NRIP1: variants seen among roughly 807,000 people sequenced by gnomAD.
NRIP1 encodes the protein nuclear receptor-interacting protein 1.
A neutral mutation model predicts 75.0 loss-of-function variants in NRIP1; 28 were observed. The observed-to-expected ratio is 0.37, with a 90% CI of 0.28 to 0.51. The LOEUF is 0.51. Ranked by LOEUF, NRIP1 falls within the 20% of genes least tolerant of loss-of-function variation. The pLI is 0.92. For missense variants in NRIP1, 1,435 were observed against 1,343.7 expected, an observed-to-expected ratio of 1.07 and a Z score of -1.06; for synonymous variants, 526 against 487.6, an observed-to-expected ratio of 1.08 and a Z score of -1.04.
At chr21:15,058,386 G>T (rs1390901950) in intron 1 of NRIP1, among the ~76,000 whole-genome samples, 1 of 151,886 alleles carries the variant, frequency 6.6e-6, no homozygotes, top group Non-Finnish European at 1.5e-5. Flanking sequence ...TTTTCTTGAT[G>T]TCCTCCATGT....
At position 14,978,691 on chromosome 21, in the gene NRIP1, T is replaced by C. The variant is rs573741615; in HGVS notation, c.-334-10165A>G. Among the ~76,000 whole-genome samples, 10 of 152,282 alleles carry C rather than the reference T, an allele frequency of 6.6e-5. No homozygotes were observed. In the South Asian group the frequency reaches 2.1e-3, roughly 32 times the overall value. On this transcript the variant is annotated intron_variant, in intron 3 of 3. Coordinates refer to ENST00000318948, the MANE Select transcript of NRIP1 (RefSeq NM_003489.4). ...GGCAAAATAAAGAAGGGCTTCTTTG[T>C]TTTGAATTCTCCTCAGAAGGCCTAG...
intron 1 of NRIP1, among the ~76,000 whole-genome samples, chr21:15,046,863 C>T (rs2089090594): frequency 6.6e-6 from 1 of 152,180 alleles, no homozygotes; most frequent in South Asian, 2.1e-4. Flanking sequence ...ACTTCATGAA[C>T]AAACCTCTGC....
chr21:14,997,575 G>A (rs998505356), intron 3 of NRIP1, among the ~76,000 whole-genome samples: 1 of 151,784 alleles, frequency 6.6e-6, no homozygotes, highest in Non-Finnish European at 1.5e-5. Context: ...CAAGTCGTCT[G>A]TTATTAACAG....
At chr21:15,061,390 CAAG>C (rs1172683887) in intron 1 of NRIP1, among the ~76,000 whole-genome samples, 2 of 152,048 alleles carry the variant, frequency 1.3e-5, no homozygotes, top group Admixed American at 1.3e-4. Flanking sequence ...CACCCACAGC[CAAG>C]AAGGAACGCT....
rs140130143 is a variant in NRIP1, at chr21:14,962,913, T to C, written c.*1803A>G. The C allele has an allele frequency of 1.3e-3, 194 of 152,630 alleles. 1 individual carries two copies. The highest frequency in any genetic ancestry group is 4.4e-3 in the African/African-American group (181 of 41,560). The allele number at this position is 152,630 out of a possible 1,614,324, so 9.5% of individuals were successfully genotyped here. On this transcript the variant is annotated 3_prime_UTR_variant, in exon 4 of 4. Transcript: ENST00000318948. ...TCAATATCCTAACTAGTAGTGATTATAGAATAATTTTTGATAGGTCATTTG... is the reference window on the plus strand; with the variant it reads ...TCAATATCCTAACTAGTAGTGATTACAGAATAATTTTTGATAGGTCATTTG...
Position 14,966,156 on chromosome 21 carries a change from A to C in NRIP1, c.2037T>G (p.Asn679Lys), listed in dbSNP as rs368886657. The change falls in exon 4 of 4, where the codon AAT (asparagine) becomes AAG (lysine). Residue 679 changes from asparagine to lysine, a missense_variant. Asn to Lys is a moderately conservative substitution (Grantham distance 94). Coordinates refer to ENST00000318948, the MANE Select transcript of NRIP1 (RefSeq NM_003489.4). ...LNSPLLSNKTNAVEENKAFSS... is the reference protein window; with the variant it reads ...LNSPLLSNKTKAVEENKAFSS... ...TAAATGCTTTATTTTCTTCAACTGC[A>C]TTTGTTTTATTTGAGAGCAAAGGGC... The C allele has an allele frequency of 3.7e-6, 6 of 1,613,254 alleles. No homozygotes were observed. The African/African-American group carries it at 6.7e-5, about 18-fold the overall frequency.
In NRIP1 at chr21:14,967,773, G is replaced by A. The variant is rs770078532; in HGVS notation, c.420C>T (p.Phe140=). Reference sequence around the variant, plus strand: ...GAGCAACAGTCTGCAGCCTAGAGCTGAATGACTGAAGCAAAGAGGCCAGTA... The same window carrying A: ...GAGCAACAGTCTGCAGCCTAGAGCTAAATGACTGAAGCAAAGAGGCCAGTA... ...STLLASLLQS[F]SSRLQTVALS... is the part of the protein sequence containing the mutation. Residue 140 remains phenylalanine, a synonymous_variant, in exon 4 of 4, where the codon TTC becomes TTT. Coordinates refer to ENST00000318948, the MANE Select transcript of NRIP1 (RefSeq NM_003489.4). 4.3e-6 allele frequency: 7 copies of A among 1,614,098 alleles called. 1 individual carries two copies. The South Asian group carries it at 6.6e-5, about 15-fold the overall frequency.
chr21:14,970,946 T>A (rs2086887916), intron 3 of NRIP1, among the ~76,000 whole-genome samples: 1 of 152,206 alleles, frequency 6.6e-6, no homozygotes, highest in African/African-American at 2.4e-5. Context: ...CACAGTTTCC[T>A]TGTAAAGGAG....
chr21:14,982,137 A>C (rs1685521888), intron 3 of NRIP1, among the ~76,000 whole-genome samples: 1 of 152,184 alleles, frequency 6.6e-6, no homozygotes, highest in Admixed American at 6.5e-5. Flanking sequence ...GGCATGAGCC[A>C]CGATGCTCGG....
rs778412701 is a variant in NRIP1, at chr21:14,966,008, C to T, written c.2185G>A (p.Glu729Lys). The T allele has an allele frequency of 1.2e-6, 2 of 1,611,322 alleles. No individual in the cohort carries two copies. The highest frequency in any genetic ancestry group is 1.7e-6 in the Non-Finnish European group (2 of 1,179,306). ...NPNKGKSEKK[E>K]KTPLRDESTQ... ...CTTTCATCTCTTAAGGGAGTTTTCT[C>T]TTTTTTTTCACTCTTCCCTTTGTTG... The change falls in exon 4 of 4, where the codon GAG (glutamate) becomes AAG (lysine). Residue 729 changes from glutamate to lysine, a missense_variant. Glu to Lys is a moderately conservative substitution (Grantham distance 56). Transcript: ENST00000318948.
intron 3 of NRIP1, chr21:14,987,906 G>A (rs2087450979): frequency 6.6e-6 from 1 of 152,180 alleles, no homozygotes; most frequent in South Asian, 2.1e-4. Context: ...ACCACGTCAA[G>A]GTCTTCTGGA....
At chr21:14,982,354 A>G (rs2087260355) in intron 3 of NRIP1, among the ~76,000 whole-genome samples, 1 of 152,226 alleles carries the variant, frequency 6.6e-6, no homozygotes, top group African/African-American at 2.4e-5. Flanking sequence ...AGAAGAATAA[A>G]GAACCTTCTG....
chr21:14,974,724 TAAC>T (rs1389660805), intron 3 of NRIP1, among the ~76,000 whole-genome samples: 1 of 152,226 alleles, frequency 6.6e-6, no homozygotes, highest in African/African-American at 2.4e-5. Context: ...TCCTAATGAA[TAAC>T]TAACTGTATG....
At chr21:15,046,520 G>C (rs1453655602) in intron 1 of NRIP1, among the ~76,000 whole-genome samples, 1 of 152,158 alleles carries the variant, frequency 6.6e-6, no homozygotes, top group African/African-American at 2.4e-5. Context: ...AAGAGATTTA[G>C]TATAATTCTT....
chr21:14,981,020 A>G (rs1428273667), intron 3 of NRIP1, among the ~76,000 whole-genome samples: 2 of 152,218 alleles, frequency 1.3e-5, no homozygotes, highest in African/African-American at 4.8e-5. Flanking sequence ...TGGAAGAGAA[A>G]TATCACTACA....
At chr21:15,021,511 C>T (rs942324881) in intron 2 of NRIP1, among the ~76,000 whole-genome samples, 1 of 152,072 alleles carries the variant, frequency 6.6e-6, no homozygotes, top group Non-Finnish European at 1.5e-5. Flanking sequence ...TGCATTGACT[C>T]AAAACCTTCC....
At chr21:14,968,576 GTTA>G (rs1322046542) in intron 3 of NRIP1, 50 bp from the exon 4 acceptor site, 1 of 174,256 alleles carries the variant, frequency 5.7e-6, no homozygotes, top group African/African-American at 2.4e-5. Context: ...CTAGAATCAC[GTTA>G]TGATACCTAC....
intron 2 of NRIP1, among the ~76,000 whole-genome samples, chr21:15,017,266 C>T (rs1040338171): frequency 1.3e-5 from 2 of 152,126 alleles, no homozygotes; most frequent in Non-Finnish European, 2.9e-5. Context: ...CTATGTTGCT[C>T]AGGCTGGTCT....
chr21:15,017,804 A>G (rs2088272102), intron 2 of NRIP1, among the ~76,000 whole-genome samples: 1 of 152,224 alleles, frequency 6.6e-6, no homozygotes, highest in African/African-American at 2.4e-5. Flanking sequence ...TTTCCATGTA[A>G]AAAGTTAAAA....
Sources: gnomAD v4.1 joint callset for allele counts (sites outside exome capture counted in the v4.1 genomes callset) on GRCh38, gnomAD v4.1.1 for gene constraint, MANE v1.5 for transcripts, NCBI Gene and HGNC (gene_info 2026-07-23, HGNC 2026-07-21) for gene names.